The following PIK3C2A variants were observed in gnomAD, a reference collection of about 807,000 sequenced individuals.
The protein encoded by PIK3C2A is phosphatidylinositol-4-phosphate 3-kinase catalytic subunit type 2 alpha, also known as phosphatidylinositol 4-phosphate 3-kinase C2 domain-containing subunit alpha.
In PIK3C2A, 97 loss-of-function variants were observed where a neutral mutation model predicts 204.5. The ratio of observed to expected loss-of-function variants is 0.47; its 90% CI spans 0.40 to 0.56. PIK3C2A has a LOEUF of 0.56. PIK3C2A is among the 20% of genes least tolerant of loss of function. The pLI, the probability that PIK3C2A is intolerant of heterozygous loss-of-function variation, is 0.00. For missense variants in PIK3C2A, 1,735 were observed against 1,969.2 expected (o/e 0.88, Z 2.25); for synonymous variants, 653 against 664.4 (o/e 0.98, Z 0.26).
Position 17,134,958 on chromosome 11 carries a change from T to C in PIK3C2A, c.1969A>G (p.Arg657Gly). ...CTCCTACCAGAATTTGCATGGAGTCTGAGAAGATCATAAATTGCTGCAGTT... is the reference window on the plus strand; with the variant it reads ...CTCCTACCAGAATTTGCATGGAGTCCGAGAAGATCATAAATTGCTGCAGTT... Reference protein sequence around the residue: ...QLTAAIYDLLRLHANSGRSPT... With the variant: ...QLTAAIYDLLGLHANSGRSPT... Residue 657 changes from arginine (R) to glycine (G), a missense_variant, in exon 11 of 33, where the codon AGA (arginine) becomes GGA (glycine). Physicochemically the swap from Arg to Gly is moderately radical, Grantham distance 125. Transcript: ENST00000691414. 2.5e-6 allele frequency: 4 copies of C among 1,614,104 alleles called. No homozygotes were observed. Among genetic ancestry groups the C allele is most frequent in the Non-Finnish European group, 3.4e-6 (4 of 1,179,926 alleles).
chr11:17,199,573 A>AT (rs1196219728), intron 1 of PIK3C2A, among the ~76,000 whole-genome samples: 2 of 152,270 alleles, frequency 1.3e-5, no homozygotes, highest in African/African-American at 4.8e-5. Flanking sequence ...GCTAAGTGAC[A>AT]TAAGTCAGAC....
At chr11:17,146,511 G>A (rs1353693643) in intron 6 of PIK3C2A, among the ~76,000 whole-genome samples, 2 of 151,276 alleles carry the variant, frequency 1.3e-5, no homozygotes, top group African/African-American at 4.9e-5. Flanking sequence ...CCAGGAGTTC[G>A]AGACCAGCCT....
intron 1 of PIK3C2A, among the ~76,000 whole-genome samples, chr11:17,200,100 C>T (rs1166848422): frequency 2.0e-5 from 3 of 151,302 alleles, no homozygotes; most frequent in East Asian, 3.9e-4. Context: ...GCACGAGAAT[C>T]GCTTGAACCC....
chr11:17,195,858 T>G (rs1035769085), intron 1 of PIK3C2A, among the ~76,000 whole-genome samples: 2 of 151,286 alleles, frequency 1.3e-5, no homozygotes, highest in Non-Finnish European at 2.9e-5. Context: ...GCTAACATGG[T>G]GAAACCCCAT....
chr11:17,091,541 A>G lies in PIK3C2A; in HGVS notation c.4752+6T>C. On this transcript the variant is annotated splice_donor_region_variant and intron_variant, in intron 31 of 32. Transcript: ENST00000691414. ...TCTACAACCATCATTCTTTGTAATCACTCACAAGATCTTTGATATGCATCA... is the reference window on the plus strand; with the variant it reads ...TCTACAACCATCATTCTTTGTAATCGCTCACAAGATCTTTGATATGCATCA... 1 of 1,607,786 alleles carries G rather than the reference A, an allele frequency of 6.2e-7. No homozygotes were observed. Among genetic ancestry groups the G allele is most frequent in the Non-Finnish European group, 8.5e-7 (1 of 1,175,120 alleles).
intron 13 of PIK3C2A, among the ~76,000 whole-genome samples, chr11:17,128,931 A>G (rs1025663470): frequency 6.6e-6 from 1 of 152,214 alleles, no homozygotes; most frequent in African/African-American, 2.4e-5. Context: ...GGAGAAGAGT[A>G]GGAAAGAAAT....
chr11:17,143,283 A>G (rs998000278), intron 8 of PIK3C2A, among the ~76,000 whole-genome samples: 1 of 152,080 alleles, frequency 6.6e-6, no homozygotes, highest in African/African-American at 2.4e-5. Flanking sequence ...TTTATCTCCT[A>G]AATATTGTTA....
At chr11:17,179,840 C>G (rs1188975473) in intron 1 of PIK3C2A, among the ~76,000 whole-genome samples, 1 of 152,018 alleles carries the variant, frequency 6.6e-6, no homozygotes, top group Non-Finnish European at 1.5e-5. Context: ...TCTCGAACTC[C>G]TAGCCCTACG....
At position 17,089,824 on chromosome 11, in the gene PIK3C2A, C is replaced by T; in HGVS notation, c.4975G>A (p.Gly1659Ser). ...TCTTTCAAAGGCAGGGTTACTCCAC[C>T]CAAGAAAAAATTCTCCCGCAGAGAT... ...AESLRENFFLGGVTLPLKDFN... is the reference protein window; with the variant it reads ...AESLRENFFLSGVTLPLKDFN... The change falls in exon 33 of 33, where the codon GGT (glycine) becomes AGT (serine). Residue 1659 changes from glycine to serine, a missense_variant. By Grantham distance (56) the Gly-to-Ser change is moderately conservative. Around this residue, in one of 6 missense-constraint regions of PIK3C2A, gnomAD observed 503 missense variants for 669.0 expected, o/e 0.75. Coordinates refer to ENST00000691414, the MANE Select transcript of PIK3C2A (RefSeq NM_002645.4). The T allele has an allele frequency of 1.2e-6, 2 of 1,613,900 alleles. No homozygotes were observed. Among genetic ancestry groups the T allele is most frequent in the Non-Finnish European group, 1.7e-6 (2 of 1,179,830 alleles).
intron 8 of PIK3C2A, among the ~76,000 whole-genome samples, chr11:17,137,713 C>T (rs1267143655): frequency 6.6e-6 from 1 of 152,040 alleles, no homozygotes; most frequent in Non-Finnish European, 1.5e-5. Context: ...CTGGCCTACA[C>T]TACTCTTTAA....
chr11:17,087,565 G>A lies in PIK3C2A; in HGVS notation c.*2173C>T, dbSNP rs1365399342. The A allele has an allele frequency of 1.3e-5, 2 of 152,122 alleles. No individual in the cohort carries two copies. Among genetic ancestry groups the A allele is most frequent in the Non-Finnish European group, 2.9e-5 (2 of 68,016 alleles). The allele number at this position is 152,122 out of a possible 1,614,324, so 9.4% of individuals were successfully genotyped here. A position where few individuals can be genotyped will look rare whatever the true frequency, so the allele number is the denominator to read the frequency against. On this transcript the variant is annotated 3_prime_UTR_variant, in exon 33 of 33. Coordinates refer to ENST00000691414, the MANE Select transcript of PIK3C2A (RefSeq NM_002645.4). ...TCTATTATTTGTGCTAAAAGACACT[G>A]TCATAATAGACTGCAAAAAGGCAGT...
intron 13 of PIK3C2A, among the ~76,000 whole-genome samples, chr11:17,127,545 G>A (rs914177575): frequency 2.0e-5 from 3 of 152,138 alleles, no homozygotes; most frequent in Non-Finnish European, 4.4e-5. Flanking sequence ...CTGACCTCAA[G>A]TGATCCACCC....
intron 20 of PIK3C2A, among the ~76,000 whole-genome samples, chr11:17,113,681 C>A (rs1438754126): frequency 2.7e-5 from 4 of 149,398 alleles, no homozygotes; most frequent in African/African-American, 9.9e-5. Flanking sequence ...ACTTGGGAGG[C>A]TGAGGCAGGA....
At chr11:17,136,354 G>C in intron 9 of PIK3C2A, 128 bp downstream of exon 9, 3 of 703,920 alleles carry the variant, frequency 4.3e-6, no homozygotes, top group Non-Finnish European at 7.3e-6. Flanking sequence ...ACCTAACCAA[G>C]TAAGTGATTC....
chr11:17,105,142 T>C, intron 23 of PIK3C2A, 27 bp downstream of exon 23: 1 of 1,586,424 alleles, frequency 6.3e-7, no homozygotes, highest in Non-Finnish European at 8.6e-7. Flanking sequence ...GACAAAGCTT[T>C]TTAGAATGAG....
chr11:17,121,281 C>A (rs1849358939), intron 15 of PIK3C2A, among the ~76,000 whole-genome samples: 1 of 151,430 alleles, frequency 6.6e-6, no homozygotes, highest in African/African-American at 2.4e-5. Context: ...CTGTGCCTGG[C>A]TACTTTTAAT....
At position 17,091,346 on chromosome 11, in the gene PIK3C2A, T is replaced by G. The variant is rs1848305500; in HGVS notation, c.4866A>C (p.Thr1622=). 6.2e-7 allele frequency: 1 copy of G among 1,611,598 alleles called. No homozygotes were observed. Among genetic ancestry groups the G allele is most frequent in the Non-Finnish European group, 8.5e-7 (1 of 1,179,126 alleles). ...TKISRKTRNP[T]FNEMLVYSGY... ...GATTTTAACTTACCATTTCATTGAA[T>G]GTCGGATTCCTCGTTTTTCGTGAAA... Residue 1622 remains threonine, a synonymous_variant, in exon 32 of 33, where the codon ACA becomes ACC. Coordinates refer to ENST00000691414, the MANE Select transcript of PIK3C2A (RefSeq NM_002645.4).
intron 12 of PIK3C2A, 128 bp downstream of exon 12, chr11:17,131,788 A>C (rs902214032): frequency 7.8e-6 from 6 of 766,398 alleles, no homozygotes; most frequent in Non-Finnish European, 1.3e-5. Flanking sequence ...GAGAGATCTT[A>C]AGACATAAGT....
At chr11:17,110,932 G>A (rs972037446) in intron 21 of PIK3C2A, among the ~76,000 whole-genome samples, 4 of 152,008 alleles carry the variant, frequency 2.6e-5, no homozygotes, top group Non-Finnish European at 5.9e-5. Flanking sequence ...TTTTGAGACT[G>A]AGTCTTGCTC....
Sources: gnomAD v4.1 joint callset for allele counts (sites outside exome capture counted in the v4.1 genomes callset) on GRCh38, gnomAD v4.1.1 for gene constraint, gnomAD v4.1.1 regional missense constraint, MANE v1.5 for transcripts, NCBI Gene and HGNC (gene_info 2026-07-23, HGNC 2026-07-21) for gene names.